The following RNF130 variants were observed in gnomAD, a reference collection of about 807,000 sequenced individuals.
The protein encoded by RNF130 is E3 ubiquitin-protein ligase RNF130.
RNF130 carries 21 observed loss-of-function variants against 44.6 expected under a neutral mutation model. That is an observed-to-expected ratio of 0.47 (90% CI 0.33 to 0.68). The LOEUF is 0.68. Among genes scored for constraint, RNF130 ranks in the 30% least tolerant of loss-of-function variants. The pLI, the probability that RNF130 is intolerant of heterozygous loss-of-function variation, is 0.02. For synonymous variants in RNF130, 214 were observed against 210.4 expected, an observed-to-expected ratio of 1.02 and a Z score of -0.15; for missense variants, 479 against 560.6, an observed-to-expected ratio of 0.85 and a Z score of 1.47.
At chr5:179,952,281 A>G (rs1762137625), downstream of RNF130, among the ~76,000 whole-genome samples, 2 of 152,170 alleles carry the variant, frequency 1.3e-5, no homozygotes, top group Admixed American at 6.5e-5. Flanking sequence ...AAAAAAGGAT[A>G]AATTCCTAGA....
chr5:180,013,354 CT>C (rs754940674), intron 2 of RNF130, 43 bp from the exon 3 acceptor site: 1 of 1,515,752 alleles, frequency 6.6e-7, no homozygotes, highest in East Asian at 2.3e-5. Context: ...ACATTTAAAA[CT>C]TATGGAAACA....
chr5:179,998,943 C>T (rs1483937727), intron 3 of RNF130, among the ~76,000 whole-genome samples: 1 of 143,782 alleles, frequency 7.0e-6, no homozygotes, highest in Non-Finnish European at 1.5e-5. Context: ...TGATTATATC[C>T]TCTTGCTGAA....
chr5:180,048,401 C>T (rs866730219), intron 1 of RNF130, among the ~76,000 whole-genome samples: 2 of 152,260 alleles, frequency 1.3e-5, no homozygotes, highest in Middle Eastern at 3.4e-3. Context: ...GATTAACCTC[C>T]GAATCTAGGC....
chr5:179,997,362 C>G (rs1289421969), intron 3 of RNF130, among the ~76,000 whole-genome samples: 1 of 151,838 alleles, frequency 6.6e-6, no homozygotes, highest in Non-Finnish European at 1.5e-5. Flanking sequence ...CTCGCTCTGT[C>G]ACCCAGGCTG....
At chr5:180,030,482 C>G (rs560124338) in intron 2 of RNF130, among the ~76,000 whole-genome samples, 25 of 152,158 alleles carry the variant, frequency 1.6e-4, no homozygotes, top group African/African-American at 5.8e-4. Flanking sequence ...ATTTCCATCA[C>G]CCCCCAGAAA....
chr5:179,955,418 C>T lies in RNF130; in HGVS notation c.*236G>A. The T allele has an allele frequency of 2.3e-6, 1 of 427,198 alleles. No homozygotes were observed. The highest frequency in any genetic ancestry group is 4.2e-6 in the Non-Finnish European group (1 of 235,468). The allele number at this position is 427,198 out of a possible 1,614,324, so 26.5% of individuals were successfully genotyped here. A position where few individuals can be genotyped will look rare whatever the true frequency, so the allele number is the denominator to read the frequency against. ...AAACACAAACAAATGCAATCTGGGT[C>T]TGCGAGCTTCAAATCAGCCCTCAAA... On this transcript the variant is annotated 3_prime_UTR_variant, in exon 9 of 9. Transcript: ENST00000521389.
At chr5:179,924,857 G>A (rs1326940311) in intron 7 of RNF130, among the ~76,000 whole-genome samples, 1 of 152,022 alleles carries the variant, frequency 6.6e-6, no homozygotes, top group Non-Finnish European at 1.5e-5. Flanking sequence ...TCTATCCACA[G>A]TAGCCCTCTA....
chr5:179,918,774 A>C (rs1761587352), exon 8 of RNF130: 1 of 152,226 alleles, frequency 6.6e-6, no homozygotes, highest in Admixed American at 6.5e-5. Context: ...AAATGAGCGA[A>C]AACGAAATGC....
intron 3 of RNF130, among the ~76,000 whole-genome samples, chr5:179,992,030 G>A (rs1464454096): frequency 2.0e-5 from 3 of 152,178 alleles, no homozygotes; most frequent in African/African-American, 7.2e-5. Context: ...GCAATGGGGA[G>A]CGACTGTAAA....
At chr5:180,066,568 CCT>C (rs983827689) in intron 1 of RNF130, among the ~76,000 whole-genome samples, 4 of 152,138 alleles carry the variant, frequency 2.6e-5, no homozygotes. Context: ...ACAGCGAGAC[CCT>C]GTCTCTATAA....
intron 3 of RNF130, among the ~76,000 whole-genome samples, chr5:179,992,032 G>A (rs1250785588): frequency 6.6e-6 from 1 of 152,176 alleles, no homozygotes; most frequent in African/African-American, 2.4e-5. Flanking sequence ...AATGGGGAGC[G>A]ACTGTAAATA....
intron 3 of RNF130, among the ~76,000 whole-genome samples, chr5:179,992,673 G>A (rs1454538643): frequency 6.6e-6 from 1 of 151,924 alleles, no homozygotes; most frequent in Non-Finnish European, 1.5e-5. Context: ...ATAGTTGCTT[G>A]TCCTTATTTT....
At chr5:179,963,610 A>T (rs1337326037) in intron 7 of RNF130, 46 bp from the exon 8 acceptor site, 3 of 1,349,328 alleles carry the variant, frequency 2.2e-6, no homozygotes, top group Non-Finnish European at 3.2e-6. Flanking sequence ...GAGAAGGTTT[A>T]AGTCAAATCG....
At chr5:180,027,183 G>C (rs1286647170) in intron 2 of RNF130, among the ~76,000 whole-genome samples, 1 of 152,142 alleles carries the variant, frequency 6.6e-6, no homozygotes, top group African/African-American at 2.4e-5. Flanking sequence ...CATCCCTTGA[G>C]ACTGTCTGGG....
intron 3 of RNF130, among the ~76,000 whole-genome samples, chr5:180,005,454 C>G (rs1243412324): frequency 6.6e-6 from 1 of 152,154 alleles, no homozygotes. Flanking sequence ...ACAACACCAA[C>G]AGAAACCATA....
intron 7 of RNF130, among the ~76,000 whole-genome samples, chr5:179,946,887 T>A (rs1762050833): frequency 6.6e-6 from 1 of 152,192 alleles, no homozygotes; most frequent in East Asian, 1.9e-4. Flanking sequence ...TGGGTTTGCC[T>A]TTATCTTTCT....
intron 1 of RNF130, among the ~76,000 whole-genome samples, chr5:180,059,564 A>C (rs951237724): frequency 6.6e-6 from 1 of 152,204 alleles, no homozygotes; most frequent in African/African-American, 2.4e-5. Flanking sequence ...GATCCAGATG[A>C]ATTAGTCTGC....
rs542281217 is a variant in RNF130, at chr5:180,049,618, T to C, written c.248-8971A>G. 9.2e-5 allele frequency among the ~76,000 whole-genome samples: 14 copies of C among 152,352 alleles called. No homozygotes were observed. The South Asian group carries it at 2.9e-3, about 32-fold the overall frequency. On this transcript the variant is annotated intron_variant, in intron 1 of 8. Transcript: ENST00000521389. ...AATACTTTGATACATTGTTTCAGTATACTTGGGTTTCTTTAATCCTATTTA... is the reference window on the plus strand; with the variant it reads ...AATACTTTGATACATTGTTTCAGTACACTTGGGTTTCTTTAATCCTATTTA...
intron 1 of RNF130, among the ~76,000 whole-genome samples, chr5:180,069,707 G>T (rs1765201377): frequency 6.6e-6 from 1 of 152,114 alleles, no homozygotes; most frequent in Non-Finnish European, 1.5e-5. Context: ...AGGCTAAATG[G>T]CAGAGTTACT....
Sources: gnomAD v4.1 joint callset for allele counts (sites outside exome capture counted in the v4.1 genomes callset) on GRCh38, gnomAD v4.1.1 for gene constraint, MANE v1.5 for transcripts, NCBI Gene and HGNC (gene_info 2026-07-23, HGNC 2026-07-21) for gene names.